LRRC4C: variants seen among roughly 807,000 people sequenced by gnomAD.
LRRC4C encodes leucine rich repeat containing 4C.
A neutral mutation model predicts 33.6 loss-of-function variants in LRRC4C; 5 were observed. The ratio of observed to expected loss-of-function variants is 0.15; its 90% CI spans 0.08 to 0.31. The LOEUF is 0.31. LRRC4C is among the 10% of genes least tolerant of loss of function. LRRC4C has a pLI of 1.00. For synonymous variants in LRRC4C, 329 were observed against 302.0 expected (o/e 1.09, Z -0.93); for missense variants, 560 against 796.7 (o/e 0.70, Z 3.58).
intron 2 of LRRC4C, among the ~76,000 whole-genome samples, chr11:40,650,739 A>G (rs1942745221): frequency 6.6e-6 from 1 of 152,172 alleles, no homozygotes; most frequent in Admixed American, 6.5e-5. Flanking sequence ...GTGCATCTGA[A>G]CTATATTACT....
At chr11:40,288,061 A>T (rs1943961731) in intron 4 of LRRC4C, among the ~76,000 whole-genome samples, 1 of 152,194 alleles carries the variant, frequency 6.6e-6, no homozygotes, top group African/African-American at 2.4e-5. Flanking sequence ...TGCGTGGCAT[A>T]TGCAATCTGA....
intron 2 of LRRC4C, among the ~76,000 whole-genome samples, chr11:40,828,152 TACACACAC>T (rs57515808): frequency 3.4e-5 from 5 of 146,850 alleles, no homozygotes; most frequent in Non-Finnish European, 6.0e-5. Flanking sequence ...TATACAAACA[TACACACAC>T]ACACACACAC....
chr11:40,521,823 C>T (rs1475427647), intron 3 of LRRC4C, among the ~76,000 whole-genome samples: 9 of 151,818 alleles, frequency 5.9e-5, no homozygotes, highest in African/African-American at 1.9e-4. Flanking sequence ...GAGCTGAGAT[C>T]GTGCCACTGT....
At chr11:40,279,150 CT>C (rs1442550441) in intron 4 of LRRC4C, among the ~76,000 whole-genome samples, 1 of 152,166 alleles carries the variant, frequency 6.6e-6, no homozygotes, top group African/African-American at 2.4e-5. Context: ...TACTGTAGGA[CT>C]TTTCAATTAC....
chr11:40,831,410 A>G (rs577108389), intron 2 of LRRC4C, among the ~76,000 whole-genome samples: 1 of 152,276 alleles, frequency 6.6e-6, no homozygotes, highest in African/African-American at 2.4e-5. Flanking sequence ...ATATCTGATG[A>G]ACCTGTCTTC....
chr11:40,673,553 T>C (rs1944239343), intron 2 of LRRC4C, among the ~76,000 whole-genome samples: 2 of 152,196 alleles, frequency 1.3e-5, no homozygotes, highest in Admixed American at 6.5e-5. Context: ...TTTCTCAAAA[T>C]AATATTTAGA....
chr11:40,362,429 T>C (rs1304128186), intron 3 of LRRC4C, among the ~76,000 whole-genome samples: 1 of 151,696 alleles, frequency 6.6e-6, no homozygotes, highest in Non-Finnish European at 1.5e-5. Flanking sequence ...AAAAAAAACA[T>C]TAAATAATAT....
rs189190238 is a variant in LRRC4C, at chr11:40,682,892, A to T, written c.-406-34614T>A. 2.0e-4 allele frequency among the ~76,000 whole-genome samples: 30 copies of T among 152,332 alleles called. No individual in the cohort carries two copies. In the East Asian group the frequency reaches 4.4e-3, roughly 23 times the overall value. ...AATATTTATTTGAGATATTCTAGAT[A>T]GGATGGAGAATTAGCTGGGTTACTT... On this transcript the variant is annotated intron_variant, in intron 2 of 6. Transcript: ENST00000528697.
At chr11:41,100,919 C>T (rs980702652) in intron 1 of LRRC4C, among the ~76,000 whole-genome samples, 7 of 152,102 alleles carry the variant, frequency 4.6e-5, no homozygotes, top group Admixed American at 6.6e-5. Flanking sequence ...TTTGACAAAG[C>T]TGACAGAAAC....
intron 4 of LRRC4C, among the ~76,000 whole-genome samples, chr11:40,307,449 C>A (rs967573528): frequency 6.6e-6 from 1 of 152,176 alleles, no homozygotes; most frequent in African/African-American, 2.4e-5. Context: ...CCAGCTTCTG[C>A]CTTGCAAATG....
chr11:41,182,750 T>G (rs1203756055), intron 1 of LRRC4C, among the ~76,000 whole-genome samples: 2 of 151,920 alleles, frequency 1.3e-5, no homozygotes, highest in Admixed American at 6.6e-5. Flanking sequence ...CTTCAAAATA[T>G]ACTTAACAAT....
chr11:41,026,277 G>A (rs959201228), intron 1 of LRRC4C, among the ~76,000 whole-genome samples: 1 of 151,594 alleles, frequency 6.6e-6, no homozygotes, highest in Non-Finnish European at 1.5e-5. Context: ...TCTGCAAGAC[G>A]TTCATTCCAA....
chr11:41,190,649 C>T lies in LRRC4C; in HGVS notation c.-495-256926G>A, dbSNP rs1315786417. Among the ~76,000 whole-genome samples the T allele has an allele frequency of 2.0e-5, 3 of 152,070 alleles. No homozygotes were observed. In the East Asian group the frequency reaches 5.8e-4, roughly 29 times the overall value. ...CGGTAAAATGACGTATGCTCGGCTG[C>T]GTACATTTGTGTTCGTCTACACTTG... is the stretch of plus-strand genomic sequence containing the variant. On this transcript the variant is annotated intron_variant, in intron 1 of 6. Coordinates refer to ENST00000528697, the MANE Select transcript of LRRC4C (RefSeq NM_001258419.2).
intron 1 of LRRC4C, among the ~76,000 whole-genome samples, chr11:40,961,104 A>C (rs1044611093): frequency 1.3e-5 from 2 of 151,678 alleles, no homozygotes; most frequent in African/African-American, 4.8e-5. Context: ...GAAGGGTGGA[A>C]AGGTTAAGAT....
At chr11:40,537,328 T>C (rs1956516729) in intron 3 of LRRC4C, among the ~76,000 whole-genome samples, 1 of 152,072 alleles carries the variant, frequency 6.6e-6, no homozygotes, top group African/African-American at 2.4e-5. Flanking sequence ...ATGTAGTAGG[T>C]AGTATTTTTA....
intron 3 of LRRC4C, among the ~76,000 whole-genome samples, chr11:40,396,101 G>A (rs1225709174): frequency 6.6e-6 from 1 of 152,114 alleles, no homozygotes; most frequent in African/African-American, 2.4e-5. Context: ...TTATGGAAGC[G>A]GCTCTTGTTC....
At chr11:41,013,047 A>C (rs989385650) in intron 1 of LRRC4C, among the ~76,000 whole-genome samples, 40 of 152,154 alleles carry the variant, frequency 2.6e-4, no homozygotes, top group African/African-American at 9.7e-4. Flanking sequence ...CACTTTGTGC[A>C]CTTAATACAT....
chr11:40,168,933 C>T (rs1859820480), intron 5 of LRRC4C, among the ~76,000 whole-genome samples: 1 of 152,184 alleles, frequency 6.6e-6, no homozygotes, highest in African/African-American at 2.4e-5. Flanking sequence ...CATGTTTCCT[C>T]TTATAAGGGA....
intron 1 of LRRC4C, among the ~76,000 whole-genome samples, chr11:41,400,615 C>A (rs1182625397): frequency 6.6e-6 from 1 of 151,614 alleles, no homozygotes; most frequent in African/African-American, 2.4e-5. Context: ...GATCAAAATG[C>A]CAATGTACAA....
Sources: allele counts gnomAD v4.1 joint callset (sites outside exome capture counted in the v4.1 genomes callset), GRCh38; gene constraint gnomAD v4.1.1; transcripts MANE v1.5; gene names NCBI Gene and HGNC (gene_info 2026-07-23, HGNC 2026-07-21).